The following UGT2A1 variants were observed in gnomAD, a reference collection of about 807,000 sequenced individuals.
The protein encoded by UGT2A1 is UDP glucuronosyltransferase family 2 member A1 complex locus, also known as UDP-glucuronosyltransferase 2A1.
In UGT2A1, 61 loss-of-function variants were observed where a neutral mutation model predicts 45.4. The observed-to-expected ratio is 1.34, with a 90% CI of 1.09 to 1.66. The LOEUF is 1.66. Ranked by LOEUF, UGT2A1 falls within the 40% of genes most tolerant of loss-of-function variation. The probability of loss-of-function intolerance (pLI) is 0.00; values close to 1 mark genes in which losing one functional copy is unlikely to be tolerated. For missense variants in UGT2A1, 649 were observed against 574.3 expected (o/e 1.13, Z -1.33); for synonymous variants, 229 against 196.2 (o/e 1.17, Z -1.40).
chr4:69,640,299 G>A (rs963952842), intron 2 of UGT2A1, among the ~76,000 whole-genome samples: 17 of 50,310 alleles, frequency 3.4e-4, no homozygotes, highest in Non-Finnish European at 1.6e-4. Context: ...AAAAATGAGA[G>A]GTGAGACATT....
intron 6 of UGT2A1, among the ~76,000 whole-genome samples, chr4:69,592,685 G>A (rs1360851680): frequency 6.6e-6 from 1 of 151,794 alleles, no homozygotes; most frequent in Admixed American, 6.6e-5. Context: ...AAATTGATTA[G>A]AACAATTAGA....
Position 69,589,407 on chromosome 4 carries a change from A to G in UGT2A1, c.1549T>C (p.Phe517Leu), listed in dbSNP as rs746322126. ...IQCCLFSCQK[F>L]GKIGKKKKRE ...TTTTTCTTCTTTCCTATCTTACCAAATTTTTGACAGGAAAACAAACAACAT... is the reference window on the plus strand; with the variant it reads ...TTTTTCTTCTTTCCTATCTTACCAAGTTTTTGACAGGAAAACAAACAACAT... Residue 517 changes from phenylalanine to leucine, a missense_variant, in exon 7 of 7, where the codon TTT (phenylalanine) becomes CTT (leucine). Physicochemically the swap from Phe to Leu is conservative, Grantham distance 22 (BLOSUM62 0). Transcript: ENST00000286604. 24 of 1,613,488 alleles carry G rather than the reference A, an allele frequency of 1.5e-5. No homozygotes were observed. The highest frequency in any genetic ancestry group is 2.0e-5 in the Non-Finnish European group (24 of 1,179,770).
intron 1 of UGT2A1, among the ~76,000 whole-genome samples, chr4:69,652,510 A>G (rs1452462285): frequency 6.6e-6 from 1 of 151,954 alleles, no homozygotes; most frequent in East Asian, 1.9e-4. Flanking sequence ...ACCAGAGGTG[A>G]TCCACCCTCC....
rs757348415 is a variant in UGT2A1 at position 69,639,106 on chromosome 4, T to G, written c.716-3284A>C. On this transcript the variant is annotated intron_variant, in intron 2 of 6. Coordinates refer to ENST00000286604, the MANE Select transcript of UGT2A1 (RefSeq NM_001252275.3). ...GTTGATGCTGGAGAGAACCTCAATG[T>G]GTACATAAATGGAATTCCTAATTTC... is the stretch of plus-strand genomic sequence containing the variant. 1.9e-6 allele frequency: 3 copies of G among 1,613,562 alleles called. No homozygotes were observed. In the East Asian group the frequency reaches 6.7e-5, roughly 36 times the overall value.
intron 3 of UGT2A1, among the ~76,000 whole-genome samples, chr4:69,632,534 G>T (rs1349051493): frequency 6.6e-6 from 1 of 152,028 alleles, no homozygotes; most frequent in Non-Finnish European, 1.5e-5. Context: ...CAGGAGGGTG[G>T]CAAACTTCTT....
At chr4:69,618,265 T>A (rs1400071052) in intron 3 of UGT2A1, among the ~76,000 whole-genome samples, 1 of 147,528 alleles carries the variant, frequency 6.8e-6, no homozygotes, top group Non-Finnish European at 1.5e-5. Context: ...GGGAAGAATG[T>A]ATTACATTTG....
chr4:69,620,288 C>T (rs560441574), intron 3 of UGT2A1, among the ~76,000 whole-genome samples: 1 of 125,956 alleles, frequency 7.9e-6, no homozygotes, highest in South Asian at 2.6e-4. Context: ...AGTAAAGTTT[C>T]AGGAAAAAAA....
At position 69,649,793 on chromosome 4, in the gene UGT2A1, C is replaced by A. The variant is rs552491265; in HGVS notation, c.-54-2095G>T. Among the ~76,000 whole-genome samples the A allele has an allele frequency of 3.1e-3, 464 of 152,084 alleles. 5 individuals are homozygous for A. Among genetic ancestry groups the A allele is most frequent in the Middle Eastern group, 6.8e-3 (2 of 292 alleles). ...CACAGTGGGGCTTGCCTACAACATG[C>A]CTGGAGGTGCACAGATAAGATTAGT... is the stretch of plus-strand genomic sequence containing the variant. On this transcript the variant is annotated intron_variant, in intron 1 of 6. Transcript: ENST00000286604.
At chr4:69,616,571 AG>A (rs1720401647) in intron 3 of UGT2A1, among the ~76,000 whole-genome samples, 2 of 152,108 alleles carry the variant, frequency 1.3e-5, no homozygotes, top group South Asian at 4.1e-4. Flanking sequence ...ACCAACAAAA[AG>A]GAACTGAAGT....
intron 3 of UGT2A1, among the ~76,000 whole-genome samples, chr4:69,605,896 A>G (rs1004400715): frequency 7.3e-6 from 1 of 136,918 alleles, no homozygotes; most frequent in Non-Finnish European, 1.6e-5. Context: ...CTCTGAATAG[A>G]CCAATAACAG....
chr4:69,623,195 A>G (rs1408642057), intron 3 of UGT2A1, among the ~76,000 whole-genome samples: 1 of 151,832 alleles, frequency 6.6e-6, no homozygotes, highest in East Asian at 1.9e-4. Flanking sequence ...CAATTCATCA[A>G]AAATGAAAAT....
chr4:69,590,541 G>A (rs1182288805), intron 6 of UGT2A1, among the ~76,000 whole-genome samples: 2 of 152,066 alleles, frequency 1.3e-5, no homozygotes, highest in Non-Finnish European at 2.9e-5. Context: ...GGTGTTGGCA[G>A]GACATTGTTA....
chr4:69,619,069 A>T (rs984675402), intron 3 of UGT2A1, among the ~76,000 whole-genome samples: 7 of 151,916 alleles, frequency 4.6e-5, no homozygotes, highest in Non-Finnish European at 7.4e-5. Flanking sequence ...ATTTATTTAT[A>T]TCAGAAAAAA....
Position 69,647,269 on chromosome 4 carries a change from A to G in UGT2A1, c.376T>C (p.Cys126Arg). The G allele has an allele frequency of 6.2e-7, 1 of 1,613,402 alleles. No individual in the cohort carries two copies. Among genetic ancestry groups the G allele is most frequent in the East Asian group, 2.2e-5 (1 of 44,868 alleles). ...KDFHMVSQEI[C>R]DGVLKNQQLM... ...TGTTGGTTTTTAAGAACGCCATCAC[A>G]GATCTCCTGAGACACCATGTGGAAG... Residue 126 changes from cysteine (C) to arginine (R), a missense_variant, in exon 2 of 7, where the codon TGT becomes CGT. Transcript: ENST00000286604.
intron 3 of UGT2A1, among the ~76,000 whole-genome samples, chr4:69,603,793 A>G (rs1322893399): frequency 4.4e-5 from 6 of 137,234 alleles, no homozygotes; most frequent in Admixed American, 1.4e-4. Flanking sequence ...TAGCCGATTC[A>G]ATCAACTGGA....
rs1395699932 is a variant in UGT2A1 at position 69,635,719 on chromosome 4, A to G, written c.819T>C (p.His273=). 3.7e-6 allele frequency: 1 copy of G among 271,684 alleles called. No individual in the cohort carries two copies. Among genetic ancestry groups the G allele is most frequent in the South Asian group, 3.0e-5 (1 of 33,412 alleles). The allele number at this position is 271,684 out of a possible 1,614,324, so 16.8% of individuals were successfully genotyped here. A position where few individuals can be genotyped will look rare whatever the true frequency, so the allele number is the denominator to read the frequency against. ...GFKRFSRLSL[H]CSWDYRLPAG... ...CTGGCAGCCTGTAATCCCAACTACA[A>G]TGGAGGCTGAGGCGGGAGAATCGCT... The change falls in exon 3 of 7, where the codon CAT becomes CAC. Residue 273 remains histidine (H), a synonymous_variant. Coordinates refer to ENST00000286604, the MANE Select transcript of UGT2A1 (RefSeq NM_001252275.3).
chr4:69,638,895 T>C (rs1721876542), intron 2 of UGT2A1: 1 of 1,565,598 alleles, frequency 6.4e-7, no homozygotes, highest in African/African-American at 1.4e-5. Context: ...AATTTTAGAC[T>C]TACCTAAAAT....
intron 3 of UGT2A1, among the ~76,000 whole-genome samples, chr4:69,632,553 C>A (rs566651850): frequency 3.2e-4 from 48 of 152,088 alleles, no homozygotes; most frequent in Middle Eastern, 6.8e-3. Flanking sequence ...TTATGCACGA[C>A]AATAGTAAAT....
intron 4 of UGT2A1, among the ~76,000 whole-genome samples, chr4:69,597,470 T>C (rs993407570): frequency 6.6e-6 from 1 of 152,200 alleles, no homozygotes; most frequent in Admixed American, 6.5e-5. Context: ...ACATCATATC[T>C]ATATGAATGC....
Sources: gnomAD v4.1 joint callset for allele counts (sites outside exome capture counted in the v4.1 genomes callset) on GRCh38, gnomAD v4.1.1 for gene constraint, MANE v1.5 for transcripts, NCBI Gene and HGNC (gene_info 2026-07-23, HGNC 2026-07-21) for gene names.